Variants in IFT122 observed in about 807,000 individuals in gnomAD.
IFT122 encodes intraflagellar transport protein 122 homolog.
In IFT122, 118 loss-of-function variants were observed where a neutral mutation model predicts 161.6. That is an observed-to-expected ratio of 0.73 (90% CI 0.63 to 0.85). The LOEUF (loss-of-function observed/expected upper bound fraction) is 0.85, where lower values mean the gene tolerates loss of function less well. IFT122 is among the 40% of genes least tolerant of loss of function. The pLI, the probability that IFT122 is intolerant of heterozygous loss-of-function variation, is 0.00. For synonymous variants in IFT122, 550 were observed against 602.4 expected, an observed-to-expected ratio of 0.91 and a Z score of 1.27; for missense variants, 1,381 against 1,579.6, an observed-to-expected ratio of 0.87 and a Z score of 2.13.
chr3:129,509,386 G>A (rs1170585663), intron 23 of IFT122, among the ~76,000 whole-genome samples: 1 of 152,142 alleles, frequency 6.6e-6, no homozygotes, highest in South Asian at 2.1e-4. Context: ...ACTTCCAGTG[G>A]CCGGCCACTA....
At chr3:129,511,438 C>T (rs1358915045) in intron 23 of IFT122, among the ~76,000 whole-genome samples, 1 of 152,172 alleles carries the variant, frequency 6.6e-6, no homozygotes, top group Non-Finnish European at 1.5e-5. Flanking sequence ...TTTGGTGGCT[C>T]AGTGATGAGT....
chr3:129,520,389 G>A lies in IFT122; in HGVS notation c.*124G>A. ...CCAGATGAAGTTTGTGTTTTGTGGG[G>A]GGGGCCTTGTGTAACCACGGAATTC... On this transcript the variant is annotated 3_prime_UTR_variant, in exon 30 of 30. Transcript: ENST00000348417. 2.5e-6 allele frequency: 2 copies of A among 808,202 alleles called. No individual in the cohort carries two copies. Among genetic ancestry groups the A allele is most frequent in the African/African-American group, 1.7e-5 (1 of 59,354 alleles). 50.1% of individuals were successfully genotyped at this position (808,202 alleles called of 1,614,324 possible). A position where few individuals can be genotyped will look rare whatever the true frequency, so the allele number is the denominator to read the frequency against.
At chr3:129,442,584 A>C (rs562459994) in intron 1 of IFT122, among the ~76,000 whole-genome samples, 121 of 152,152 alleles carry the variant, frequency 8.0e-4, no homozygotes, top group Middle Eastern at 3.4e-3. Context: ...CTAAACAAAA[A>C]AAAAAAAGAC....
intron 1 of IFT122, among the ~76,000 whole-genome samples, chr3:129,443,459 G>A (rs1347246168): frequency 2.0e-5 from 3 of 152,236 alleles, no homozygotes; most frequent in Non-Finnish European, 2.9e-5. Context: ...CAGCCCTGGA[G>A]TGTTCAAGCA....
At chr3:129,482,350 C>A (rs572836270) in intron 14 of IFT122, among the ~76,000 whole-genome samples, 8 of 152,168 alleles carry the variant, frequency 5.3e-5, no homozygotes, top group African/African-American at 1.9e-4. Flanking sequence ...CTGCTGGGCT[C>A]GCGCCATTCT....
intron 19 of IFT122, among the ~76,000 whole-genome samples, chr3:129,502,369 T>C (rs2081659964): frequency 6.6e-6 from 1 of 152,138 alleles, no homozygotes; most frequent in South Asian, 2.1e-4. Context: ...GCCCACCTCT[T>C]AGGGTGGTGA....
chr3:129,505,937 G>C (rs1169129043), intron 21 of IFT122, among the ~76,000 whole-genome samples: 2 of 152,028 alleles, frequency 1.3e-5, no homozygotes, highest in African/African-American at 4.8e-5. Flanking sequence ...CTCATAAAAA[G>C]GGGGATAATT....
At chr3:129,463,663 C>A (rs767739383) in intron 6 of IFT122, 37 bp downstream of exon 6, 12 of 1,499,490 alleles carry the variant, frequency 8.0e-6, no homozygotes, top group South Asian at 1.1e-5. Context: ...TATGTTCCTT[C>A]ATCTTCCACA....
chr3:129,459,716 CCTTCCT>C (rs2076003283), intron 4 of IFT122, among the ~76,000 whole-genome samples: 1 of 104,192 alleles, frequency 9.6e-6, no homozygotes, highest in Non-Finnish European at 1.7e-5. Flanking sequence ...TTCCTTCCTT[CCTTCCT>C]TCCTTCCCTC....
intron 22 of IFT122, 42 bp from the exon 23 acceptor site, chr3:129,507,626 A>G: frequency 6.6e-7 from 1 of 1,516,258 alleles, no homozygotes; most frequent in Non-Finnish European, 9.2e-7. Flanking sequence ...AGCCACAGAC[A>G]CTGTTTGACA....
At position 129,464,753 on chromosome 3, in the gene IFT122, A is replaced by T; in HGVS notation, c.535A>T (p.Ile179Leu). The T allele has an allele frequency of 2.5e-6, 4 of 1,614,138 alleles. No individual in the cohort carries two copies. Among genetic ancestry groups the T allele is most frequent in the Non-Finnish European group, 3.4e-6 (4 of 1,180,020 alleles). The change falls in exon 7 of 30, where the codon ATA becomes TTA. Residue 179 changes from isoleucine to leucine, a missense_variant. Physicochemically the swap from Ile to Leu is conservative, Grantham distance 5. Around this residue, in one of 7 missense-constraint regions of IFT122, gnomAD observed 544 missense variants for 648.0 expected, o/e 0.84. Coordinates refer to ENST00000348417, the MANE Select transcript of IFT122 (RefSeq NM_052989.3). ...IERPGGSLSP[I>L]WSICWNPSSR... is the part of the protein sequence containing the mutation. ...GCGGCCGGGGGGCTCCCTCTCGCCA[A>T]TATGGTCCATCTGCTGGAACCCTTC...
At chr3:129,481,028 G>A (rs558543614) in intron 13 of IFT122, among the ~76,000 whole-genome samples, 1 of 152,276 alleles carries the variant, frequency 6.6e-6, no homozygotes, top group South Asian at 2.1e-4. Flanking sequence ...AATAGCCACT[G>A]CGATCAGCCT....
At chr3:129,455,022 C>T (rs1559851814) in intron 3 of IFT122, among the ~76,000 whole-genome samples, 1 of 152,124 alleles carries the variant, frequency 6.6e-6, no homozygotes, top group Non-Finnish European at 1.5e-5. Flanking sequence ...TATCATGCTG[C>T]CTCTTCATGA....
In IFT122 at chr3:129,483,661, T is replaced by G. The variant is rs1273413955; in HGVS notation, c.1830T>G (p.Ile610Met). Residue 610 changes from isoleucine to methionine, a missense_variant, in exon 15 of 30, where the codon ATT becomes ATG. Ile to Met is a conservative substitution (Grantham distance 10, BLOSUM62 1). Coordinates refer to ENST00000348417, the MANE Select transcript of IFT122 (RefSeq NM_052989.3). ...SKIFCLHVFSISAVEVPQSAP... is the reference protein window; with the variant it reads ...SKIFCLHVFSMSAVEVPQSAP... ...TCTTCTGCCTCCATGTCTTCTCCAT[T>G]TCTGCCGTGGAGGTGCCGCAGGTAA... 1 of 1,604,868 alleles carries G rather than the reference T, an allele frequency of 6.2e-7. No individual in the cohort carries two copies. The highest frequency in any genetic ancestry group is 1.3e-5 in the African/African-American group (1 of 74,806).
At chr3:129,503,448 G>C (rs2081842712) in intron 20 of IFT122, among the ~76,000 whole-genome samples, 1 of 152,132 alleles carries the variant, frequency 6.6e-6, no homozygotes. Context: ...GCCTCAGGCT[G>C]GCAGAAGCAG....
intron 5 of IFT122, 108 bp downstream of exon 5, chr3:129,461,412 ACTT>A: frequency 1.2e-6 from 1 of 825,764 alleles, no homozygotes; most frequent in Non-Finnish European, 2.1e-6. Flanking sequence ...AGTTAATACT[ACTT>A]CTCTACCTTC....
intron 21 of IFT122, among the ~76,000 whole-genome samples, chr3:129,504,730 A>G (rs1454332190): frequency 6.6e-6 from 1 of 152,234 alleles, no homozygotes; most frequent in Non-Finnish European, 1.5e-5. Flanking sequence ...AATCCTCGCA[A>G]CAGCCCTATG....
intron 3 of IFT122, among the ~76,000 whole-genome samples, chr3:129,455,345 G>A (rs2075349609): frequency 6.6e-6 from 1 of 151,872 alleles, no homozygotes; most frequent in African/African-American, 2.4e-5. Flanking sequence ...GCTAATTTTT[G>A]TATTTTCAGT....
At chr3:129,505,147 C>T (rs1300672300) in intron 21 of IFT122, among the ~76,000 whole-genome samples, 3 of 152,154 alleles carry the variant, frequency 2.0e-5, no homozygotes. Flanking sequence ...TGAATCTTGC[C>T]AACAGCTGTG....
Sources: allele counts gnomAD v4.1 joint callset (sites outside exome capture counted in the v4.1 genomes callset), GRCh38; gene constraint gnomAD v4.1.1; regional missense constraint gnomAD v4.1.1; transcripts MANE v1.5; gene names NCBI Gene and HGNC (gene_info 2026-07-23, HGNC 2026-07-21).